Variants in TRHDE observed in about 807,000 individuals in gnomAD.
The protein encoded by TRHDE is thyrotropin releasing hormone degrading enzyme.
Under a neutral mutation model 125.7 loss-of-function variants are expected in TRHDE, and 72 were observed. The ratio of observed to expected loss-of-function variants is 0.57; its 90% CI spans 0.47 to 0.70. The LOEUF is 0.70. Among genes scored for constraint, TRHDE ranks in the 30% least tolerant of loss-of-function variants. The probability of loss-of-function intolerance (pLI) is 0.00; values close to 1 mark genes in which losing one functional copy is unlikely to be tolerated. For missense variants in TRHDE, 1,110 were observed against 1,327.1 expected (o/e 0.84, Z 2.54); for synonymous variants, 509 against 509.1 (o/e 1.00, Z 0.00).
intron 5 of TRHDE, among the ~76,000 whole-genome samples, chr12:72,496,412 C>T (rs957253622): frequency 6.6e-6 from 1 of 152,158 alleles, no homozygotes; most frequent in African/African-American, 2.4e-5. Context: ...GAATGAGGAG[C>T]TGTCTTACAT....
chr12:72,294,947 T>C (rs1482712806), intron 2 of TRHDE, among the ~76,000 whole-genome samples: 1 of 151,774 alleles, frequency 6.6e-6, no homozygotes, highest in Non-Finnish European at 1.5e-5. Context: ...GCCCCGACTT[T>C]GCTCCGAGAT....
chr12:72,438,806 C>T (rs1395690470), intron 3 of TRHDE, among the ~76,000 whole-genome samples: 1 of 151,738 alleles, frequency 6.6e-6, no homozygotes. Context: ...TCTATTTTAA[C>T]TTTTGTTGCC....
chr12:72,449,263 G>T (rs998412564), intron 3 of TRHDE, among the ~76,000 whole-genome samples: 28 of 152,016 alleles, frequency 1.8e-4, no homozygotes, highest in Non-Finnish European at 4.1e-4. Context: ...GTAAAGCAAA[G>T]AAATTTAGAG....
intron 2 of TRHDE, among the ~76,000 whole-genome samples, chr12:72,324,055 C>T (rs1869226727): frequency 6.6e-6 from 1 of 152,102 alleles, no homozygotes; most frequent in Non-Finnish European, 1.5e-5. Flanking sequence ...ACTTCCTGTG[C>T]ATGTTTATCC....
At chr12:72,308,471 A>G (rs1868392320) in intron 2 of TRHDE, among the ~76,000 whole-genome samples, 1 of 152,176 alleles carries the variant, frequency 6.6e-6, no homozygotes, top group Non-Finnish European at 1.5e-5. Context: ...TAAATAAGTA[A>G]TCTAATCTAA....
intron 2 of TRHDE, among the ~76,000 whole-genome samples, chr12:72,214,145 T>A (rs1877839127): frequency 6.6e-6 from 1 of 152,190 alleles, no homozygotes. Context: ...AATATACTTA[T>A]TAATCTGGCT....
intron 6 of TRHDE, among the ~76,000 whole-genome samples, chr12:72,529,367 CAT>C (rs895756725): frequency 2.0e-5 from 3 of 152,118 alleles, no homozygotes; most frequent in Non-Finnish European, 4.4e-5. Context: ...GATGTATTTA[CAT>C]ATGACTTGTT....
At chr12:72,408,664 T>C (rs1457446317) in intron 3 of TRHDE, among the ~76,000 whole-genome samples, 1 of 152,082 alleles carries the variant, frequency 6.6e-6, no homozygotes, top group Non-Finnish European at 1.5e-5. Context: ...AATAAAAATA[T>C]TCCTATAATA....
chr12:72,237,201 T>C (rs1253357586), intron 2 of TRHDE, among the ~76,000 whole-genome samples: 1 of 152,184 alleles, frequency 6.6e-6, no homozygotes, highest in East Asian at 1.9e-4. Flanking sequence ...AATACAGCTG[T>C]CATATTCTAA....
At chr12:72,396,979 C>T (rs1872818943) in intron 3 of TRHDE, among the ~76,000 whole-genome samples, 1 of 152,116 alleles carries the variant, frequency 6.6e-6, no homozygotes, top group Non-Finnish European at 1.5e-5. Context: ...TTTGAAGCCA[C>T]CTGTATGCTG....
At chr12:72,319,833 T>A (rs966573276) in intron 2 of TRHDE, among the ~76,000 whole-genome samples, 1 of 152,092 alleles carries the variant, frequency 6.6e-6, no homozygotes, top group South Asian at 2.1e-4. Flanking sequence ...GGGAAAAAAA[T>A]GTTTCCTAGA....
Position 72,309,538 on chromosome 12 carries a change from T to C in TRHDE, c.1188+22584T>C, listed in dbSNP as rs562907365. ...TTTTCCTCAAAAAGAGATGAGATGG[T>C]CCAATATGATGCAGATAAGAAGTAT... On this transcript the variant is annotated intron_variant, in intron 2 of 18. Coordinates refer to ENST00000261180, the MANE Select transcript of TRHDE (RefSeq NM_013381.3). Among the ~76,000 whole-genome samples the C allele has an allele frequency of 2.0e-3, 298 of 152,042 alleles. 1 individual carries two copies. Among genetic ancestry groups the C allele is most frequent in the Admixed American group, 4.7e-3 (72 of 15,266 alleles).
At chr12:72,218,265 A>G (rs1182849347) in intron 2 of TRHDE, among the ~76,000 whole-genome samples, 2 of 152,112 alleles carry the variant, frequency 1.3e-5, no homozygotes, top group South Asian at 2.1e-4. Context: ...AATTTCATCA[A>G]ACAAGTCTGA....
intron 9 of TRHDE, among the ~76,000 whole-genome samples, chr12:72,563,503 G>A (rs893630928): frequency 6.6e-6 from 1 of 152,068 alleles, no homozygotes; most frequent in African/African-American, 2.4e-5. Flanking sequence ...ACCTTAAAAT[G>A]ATCTAATGAT....
rs1191550374 is a variant in TRHDE at position 72,665,325 on chromosome 12, TA to T, written c.*2132del. The T allele has an allele frequency of 6.6e-6, 1 of 152,466 alleles. No homozygotes were observed. Among genetic ancestry groups the T allele is most frequent in the African/African-American group, 2.4e-5 (1 of 41,452 alleles). 9.4% of individuals were successfully genotyped at this position (152,466 alleles called of 1,614,324 possible). On this transcript the variant is annotated 3_prime_UTR_variant, in exon 19 of 19. Transcript: ENST00000261180. ...TTTTCCTCCTCACTGTTAATAATCATAATCCTTTTTCAGTATTTTAGTGGCC... is the reference window on the plus strand; with the variant it reads ...TTTTCCTCCTCACTGTTAATAATCATATCCTTTTTCAGTATTTTAGTGGCC...
At chr12:72,353,285 T>C (rs1301340791) in intron 2 of TRHDE, among the ~76,000 whole-genome samples, 1 of 151,634 alleles carries the variant, frequency 6.6e-6, no homozygotes, top group East Asian at 1.9e-4. Flanking sequence ...CATTCACTTA[T>C]TCAGATAGAA....
intron 3 of TRHDE, among the ~76,000 whole-genome samples, chr12:72,460,786 A>T (rs543755384): frequency 2.0e-5 from 3 of 152,296 alleles, no homozygotes; most frequent in Admixed American, 2.0e-4. Flanking sequence ...TGTAAGTACT[A>T]GACGCACAAC....
At chr12:72,368,345 T>C (rs555891252) in intron 2 of TRHDE, among the ~76,000 whole-genome samples, 55 of 152,298 alleles carry the variant, frequency 3.6e-4, no homozygotes, top group African/African-American at 1.3e-3. Flanking sequence ...GACAACTGAA[T>C]GTGTCTTCTT....
intron 1 of TRHDE, among the ~76,000 whole-genome samples, chr12:72,282,402 T>A (rs1879728950): frequency 6.6e-6 from 1 of 152,216 alleles, no homozygotes; most frequent in African/African-American, 2.4e-5. Context: ...GACTCTTTGA[T>A]GTTTTTAATG....
Sources: gnomAD v4.1 joint callset for allele counts (sites outside exome capture counted in the v4.1 genomes callset) on GRCh38, gnomAD v4.1.1 for gene constraint, MANE v1.5 for transcripts, NCBI Gene and HGNC (gene_info 2026-07-23, HGNC 2026-07-21) for gene names.